TJP1: variants seen among roughly 807,000 people sequenced by gnomAD.
TJP1 encodes the protein tight junction protein 1.
Under a neutral mutation model 194.2 loss-of-function variants are expected in TJP1, and 43 were observed. The ratio of observed to expected loss-of-function variants is 0.22; its 90% CI spans 0.17 to 0.29. The LOEUF (loss-of-function observed/expected upper bound fraction) is 0.29. TJP1 is among the 10% of genes least tolerant of loss of function. The probability of loss-of-function intolerance (pLI) is 1.00; values close to 1 mark genes in which losing one functional copy is unlikely to be tolerated. For missense variants in TJP1, 1,971 were observed against 2,185.7 expected, an observed-to-expected ratio of 0.90 and a Z score of 1.96; for synonymous variants, 801 against 779.0, an observed-to-expected ratio of 1.03 and a Z score of -0.47.
intron 15 of TJP1, chr15:29,728,546 G>A (rs772853907): frequency 9.7e-5 from 15 of 154,034 alleles, no homozygotes; most frequent in Non-Finnish European, 2.0e-4. Context: ...GGGAACCTGG[G>A]GGCAGGAAGC....
intron 10 of TJP1, among the ~76,000 whole-genome samples, chr15:29,738,968 T>C (rs2044218182): frequency 6.6e-6 from 1 of 150,560 alleles, no homozygotes; most frequent in African/African-American, 2.4e-5. Flanking sequence ...TCCTCGAGCC[T>C]AGGAGTTTGA....
chr15:29,961,825 C>A (rs2056175728), intron 1 of TJP1, among the ~76,000 whole-genome samples: 1 of 152,182 alleles, frequency 6.6e-6, no homozygotes, highest in Non-Finnish European at 1.5e-5. Context: ...CAGAGGCTTG[C>A]AGACCAGTGT....
At chr15:29,838,785 C>T (rs1312277124) in intron 2 of TJP1, among the ~76,000 whole-genome samples, 1 of 152,082 alleles carries the variant, frequency 6.6e-6, no homozygotes, top group Non-Finnish European at 1.5e-5. Context: ...TCTCCCCAGT[C>T]CCTAACCCCT....
upstream of TJP1, chr15:29,822,949 C>T (rs2050520281): frequency 6.6e-6 from 1 of 152,242 alleles, no homozygotes; most frequent in East Asian, 1.9e-4. Context: ...CAAGGCGCGT[C>T]ATGGCTTTCA....
chr15:29,898,343 T>G (rs542615093), intron 2 of TJP1, among the ~76,000 whole-genome samples: 1 of 152,328 alleles, frequency 6.6e-6, no homozygotes, highest in African/African-American at 2.4e-5. Context: ...CCCAGCCACG[T>G]GGAACTGTAA....
chr15:29,763,865 C>T (rs1444095353), intron 5 of TJP1, among the ~76,000 whole-genome samples: 3 of 151,202 alleles, frequency 2.0e-5, no homozygotes, highest in Non-Finnish European at 4.4e-5. Flanking sequence ...GTGAAGAAAA[C>T]GGCCTTTTAG....
At position 29,820,445 on chromosome 15, in the gene TJP1, C is replaced by T. The variant is rs1352044616; in HGVS notation, c.27+1557G>A. On this transcript the variant is annotated intron_variant, in intron 1 of 27. Coordinates refer to ENST00000614355, the MANE Select transcript of TJP1 (RefSeq NM_001330239.4). ...TGTTTACAATGCAAAAAAGTCCCTA[C>T]AACGTAATATTTAACGAGTGATGCT... 5 of 700,496 alleles carry T rather than the reference C, an allele frequency of 7.1e-6. No homozygotes were observed. The Admixed American group carries it at 8.4e-5, about 12-fold the overall frequency. The allele number at this position is 700,496 out of a possible 1,614,324, so 43.4% of individuals were successfully genotyped here.
chr15:29,883,255 A>G (rs1346925660), intron 2 of TJP1, among the ~76,000 whole-genome samples: 1 of 150,418 alleles, frequency 6.6e-6, no homozygotes, highest in African/African-American at 2.4e-5. Flanking sequence ...CTTGGGACTT[A>G]AGTGACGCTG....
chr15:29,951,134 A>AT (rs2055735140), intron 2 of TJP1, among the ~76,000 whole-genome samples: 1 of 152,152 alleles, frequency 6.6e-6, no homozygotes, highest in East Asian at 1.9e-4. Flanking sequence ...AGGGTTACAG[A>AT]TATTTCCTGT....
chr15:29,820,393 G>A (rs540087666), intron 1 of TJP1: 3 of 623,940 alleles, frequency 4.8e-6, no homozygotes, highest in Non-Finnish European at 8.7e-6. Flanking sequence ...TTAAAAAAAA[G>A]CTTTCAACTT....
At chr15:29,715,124 C>T (rs1595590489) in intron 23 of TJP1, among the ~76,000 whole-genome samples, 2 of 152,264 alleles carry the variant, frequency 1.3e-5, no homozygotes, top group South Asian at 4.1e-4. Context: ...TTCCTAATGA[C>T]AAATCCACAT....
At position 29,959,496 on chromosome 15, in the gene TJP1, C is replaced by T. The variant is rs570585386; in HGVS notation, c.174-3132G>A. On this transcript the variant is annotated intron_variant, in intron 1 of 28. Transcript: ENST00000356107. Reference sequence around the variant, plus strand: ...ACTTACATTTGTATTGGAAAACATCCATTTCCCCACTGCGACTACTGTGGC... The same window carrying T: ...ACTTACATTTGTATTGGAAAACATCTATTTCCCCACTGCGACTACTGTGGC... 2.0e-5 allele frequency among the ~76,000 whole-genome samples: 3 copies of T among 152,126 alleles called. No homozygotes were observed. The South Asian group carries it at 6.2e-4, about 32-fold the overall frequency.
intron 2 of TJP1, among the ~76,000 whole-genome samples, chr15:29,951,219 G>A (rs919048253): frequency 2.6e-5 from 4 of 151,872 alleles, no homozygotes; most frequent in African/African-American, 9.7e-5. Flanking sequence ...CCAGGCTGGA[G>A]TGCAATGGCA....
At chr15:29,965,579 T>C (rs541992656) in intron 1 of TJP1, among the ~76,000 whole-genome samples, 1 of 152,312 alleles carries the variant, frequency 6.6e-6, no homozygotes, top group Non-Finnish European at 1.5e-5. Context: ...ATGTCTGCTA[T>C]TGGTTTCCAC....
intron 2 of TJP1, among the ~76,000 whole-genome samples, chr15:29,915,945 T>G (rs1209966432): frequency 6.6e-6 from 1 of 152,192 alleles, no homozygotes; most frequent in Non-Finnish European, 1.5e-5. Flanking sequence ...TGTATTCAGT[T>G]GGAGGAGCTG....
At chr15:29,748,739 A>C (rs1182177586) in intron 8 of TJP1, among the ~76,000 whole-genome samples, 2 of 151,792 alleles carry the variant, frequency 1.3e-5, no homozygotes, top group African/African-American at 4.8e-5. Flanking sequence ...TACCCTGCTA[A>C]CTTTTTCTAC....
At chr15:29,827,923 CA>C (rs1439910995) in intron 2 of TJP1, among the ~76,000 whole-genome samples, 2 of 152,178 alleles carry the variant, frequency 1.3e-5, no homozygotes, top group African/African-American at 4.8e-5. Context: ...GTTGTGAATG[CA>C]TGCCCAGGTC....
chr15:29,937,750 G>A (rs555008766), intron 2 of TJP1, among the ~76,000 whole-genome samples: 5 of 152,302 alleles, frequency 3.3e-5, no homozygotes, highest in African/African-American at 1.2e-4. Context: ...TTTCCAAAAT[G>A]ACCCTCCTGA....
chr15:29,839,142 G>A (rs1048181297), intron 2 of TJP1, among the ~76,000 whole-genome samples: 2 of 151,508 alleles, frequency 1.3e-5, no homozygotes, highest in South Asian at 2.1e-4. Flanking sequence ...GGGACTACAG[G>A]AGCCCACCAC....
Sources: gnomAD v4.1 joint callset for allele counts (sites outside exome capture counted in the v4.1 genomes callset) on GRCh38, gnomAD v4.1.1 for gene constraint, MANE v1.5 for transcripts, NCBI Gene and HGNC (gene_info 2026-07-23, HGNC 2026-07-21) for gene names.